The following RIMS1 variants were observed in gnomAD, a reference collection of about 807,000 sequenced individuals.
RIMS1 encodes the protein regulating synaptic membrane exocytosis protein 1.
Under a neutral mutation model 214.1 loss-of-function variants are expected in RIMS1, and 83 were observed. The ratio of observed to expected loss-of-function variants is 0.39; its 90% confidence interval spans 0.32 to 0.47. RIMS1 has a LOEUF of 0.47. Ranked by LOEUF, RIMS1 falls within the 20% of genes least tolerant of loss-of-function variation. The pLI is 0.99. For synonymous variants in RIMS1, 793 were observed against 786.8 expected (o/e 1.01, Z -0.13); for missense variants, 2,050 against 2,161.8 (o/e 0.95, Z 1.03).
intron 4 of RIMS1, among the ~76,000 whole-genome samples, chr6:72,100,468 C>A (rs1209999770): frequency 1.3e-5 from 2 of 151,840 alleles, no homozygotes; most frequent in African/African-American, 4.8e-5. Context: ...CATACTGAAC[C>A]ACATTTTGCC....
At chr6:71,938,363 C>G (rs1489917118) in intron 1 of RIMS1, among the ~76,000 whole-genome samples, 1 of 152,190 alleles carries the variant, frequency 6.6e-6, no homozygotes, top group Non-Finnish European at 1.5e-5. Context: ...GCTCTGACTT[C>G]ACATGTGCAC....
rs377611852 is a variant in RIMS1 at position 72,265,434 on chromosome 6, A to G, written c.3239A>G (p.Gln1080Arg). The change falls in exon 21 of 34, where the codon CAG (glutamine) becomes CGG (arginine). Residue 1080 changes from glutamine (Q) to arginine (R), a missense_variant. By Grantham distance (43) the Gln-to-Arg change is conservative. This residue lies in a region of RIMS1 where 889 missense variants were observed against 885.5 expected (regional missense o/e 1.00). Transcript: ENST00000521978. ...AHTKTKSVTR[Q>R]DISLHHECFN... ...ACTAAGACCAAATCAGTGACTAGAC[A>G]GGACATTTCCCTTCATCATGAATGC... is the stretch of plus-strand genomic sequence containing the variant. 4 of 1,610,460 alleles carry G rather than the reference A, an allele frequency of 2.5e-6. No homozygotes were observed. The highest frequency in any genetic ancestry group is 3.4e-6 in the Non-Finnish European group (4 of 1,177,552).
At chr6:72,196,273 A>G (rs1211382969) in intron 6 of RIMS1, among the ~76,000 whole-genome samples, 1 of 152,084 alleles carries the variant, frequency 6.6e-6, no homozygotes, top group Non-Finnish European at 1.5e-5. Flanking sequence ...ATCTAAAAAG[A>G]ACCTACTGCA....
intron 29 of RIMS1, among the ~76,000 whole-genome samples, chr6:72,356,839 A>C (rs1052609527): frequency 3.3e-5 from 5 of 152,146 alleles, no homozygotes; most frequent in Admixed American, 3.3e-4. Context: ...AATGTTTACT[A>C]TAAAAAATTT....
intron 1 of RIMS1, among the ~76,000 whole-genome samples, chr6:71,942,512 T>C (rs1408286047): frequency 6.6e-6 from 1 of 152,202 alleles, no homozygotes; most frequent in East Asian, 1.9e-4. Context: ...TTGTTATTTT[T>C]CCACAGCATA....
chr6:72,177,087 T>A (rs1433257115), intron 4 of RIMS1, among the ~76,000 whole-genome samples: 27 of 152,308 alleles, frequency 1.8e-4, no homozygotes. Flanking sequence ...TCCTTTACCC[T>A]TCATCAGTAT....
In RIMS1 at chr6:71,930,035, G is replaced by T. The variant is rs557892065; in HGVS notation, c.165-38948G>T. On this transcript the variant is annotated intron_variant, in intron 1 of 33. Transcript: ENST00000521978. ...ATTAAGATAGACTTGGTTTTATTGT[G>T]TAAATCCTGAAAGTCCCAAGTGAAT... 3.3e-5 allele frequency among the ~76,000 whole-genome samples: 5 copies of T among 152,162 alleles called. No individual in the cohort carries two copies. The South Asian group carries it at 6.2e-4, about 19-fold the overall frequency.
At chr6:72,123,061 G>A (rs966642608) in intron 4 of RIMS1, among the ~76,000 whole-genome samples, 3 of 151,784 alleles carry the variant, frequency 2.0e-5, no homozygotes, top group Non-Finnish European at 4.4e-5. Flanking sequence ...TTAATGTGAT[G>A]TTAGGGTGTC....
intron 2 of RIMS1, among the ~76,000 whole-genome samples, chr6:72,059,968 T>C (rs2152236341): frequency 6.6e-6 from 1 of 152,132 alleles, no homozygotes; most frequent in East Asian, 1.9e-4. Context: ...GACGGAGTTT[T>C]GCTCTTCTTG....
chr6:72,009,565 G>A (rs562627183), intron 2 of RIMS1, among the ~76,000 whole-genome samples: 17 of 152,060 alleles, frequency 1.1e-4, no homozygotes, highest in Admixed American at 9.2e-4. Context: ...CAACAAAATT[G>A]ATAGACCGCT....
At position 72,159,905 on chromosome 6, in the gene RIMS1, G is replaced by A. The variant is rs535272963; in HGVS notation, c.472-19670G>A. On this transcript the variant is annotated intron_variant, in intron 4 of 33. Coordinates refer to ENST00000521978, the MANE Select transcript of RIMS1 (RefSeq NM_014989.7). The stretch of plus-strand genomic sequence containing the variant: ...TTTGGTTCCATGTGAACTTTAAAGT[G>A]GTTTTTTCCAATTCTGTCAAGAAAG... Among the ~76,000 whole-genome samples the A allele has an allele frequency of 1.1e-4, 16 of 139,584 alleles. 1 individual carries two copies. The highest frequency in any genetic ancestry group is 3.0e-4 in the African/African-American group (12 of 40,582). 91.6% of individuals were successfully genotyped at this position (139,584 alleles called of 152,430 possible).
intron 16 of RIMS1, among the ~76,000 whole-genome samples, chr6:72,254,271 T>A (rs1301107685): frequency 6.6e-6 from 1 of 152,174 alleles, no homozygotes; most frequent in African/African-American, 2.4e-5. Flanking sequence ...ACCTTTGATG[T>A]CAGTGTATCA....
chr6:72,259,120 C>A lies in RIMS1; in HGVS notation c.3053+9C>A. 1 of 1,609,298 alleles carries A rather than the reference C, an allele frequency of 6.2e-7. No individual in the cohort carries two copies. Among genetic ancestry groups the A allele is most frequent in the Admixed American group, 1.7e-5 (1 of 59,702 alleles). ...TTATCAGAACAAGACAGGTATTTGT[C>A]AAAATTATGATCTCAACGTTATGAA... On this transcript the variant is annotated intron_variant, in intron 18 of 33. Transcript: ENST00000521978.
At chr6:71,945,958 A>C (rs1366019051) in intron 1 of RIMS1, among the ~76,000 whole-genome samples, 2 of 151,986 alleles carry the variant, frequency 1.3e-5, no homozygotes, top group East Asian at 3.9e-4. Flanking sequence ...AGAAAACCTT[A>C]AATATTCCAC....
intron 1 of RIMS1, among the ~76,000 whole-genome samples, chr6:71,960,167 A>G (rs1213123306): frequency 2.0e-5 from 3 of 152,108 alleles, no homozygotes; most frequent in Non-Finnish European, 4.4e-5. Flanking sequence ...GAGAGAGTTA[A>G]TATACCTGTT....
At chr6:72,077,570 G>A (rs981958451) in intron 2 of RIMS1, among the ~76,000 whole-genome samples, 4 of 152,168 alleles carry the variant, frequency 2.6e-5, no homozygotes, top group African/African-American at 9.7e-5. Context: ...TACTTTATTG[G>A]TCTTTCCATT....
At chr6:72,185,684 C>T (rs1164123027) in intron 6 of RIMS1, among the ~76,000 whole-genome samples, 1 of 152,196 alleles carries the variant, frequency 6.6e-6, no homozygotes, top group East Asian at 1.9e-4. Flanking sequence ...GACAATGACA[C>T]TAAAGCAAAT....
At position 72,367,919 on chromosome 6, in the gene RIMS1, T is replaced by C. The variant is rs149195953; in HGVS notation, c.4367-22679T>C. Among the ~76,000 whole-genome samples the C allele has an allele frequency of 2.4e-3, 372 of 152,308 alleles. 2 individuals carry two copies. The highest frequency in any genetic ancestry group is 8.5e-3 in the African/African-American group (354 of 41,574). ...ATATATTTTTTTATATTCTGAGTAA[T>C]ACTTGTATTAAATTAATTCCTAATT... On this transcript the variant is annotated intron_variant, in intron 29 of 33. Coordinates refer to ENST00000521978, the MANE Select transcript of RIMS1 (RefSeq NM_014989.7).
chr6:72,028,050 G>T (rs758628006), intron 2 of RIMS1, among the ~76,000 whole-genome samples: 1 of 152,086 alleles, frequency 6.6e-6, no homozygotes, highest in Non-Finnish European at 1.5e-5. Flanking sequence ...ATATGTACCA[G>T]GTTGTATAGG....
Sources: allele counts gnomAD v4.1 joint callset (sites outside exome capture counted in the v4.1 genomes callset), GRCh38; gene constraint gnomAD v4.1.1; regional missense constraint gnomAD v4.1.1; transcripts MANE v1.5; gene names NCBI Gene and HGNC (gene_info 2026-07-23, HGNC 2026-07-21).